The following TMC8 variants were observed in gnomAD, a reference collection of about 807,000 sequenced individuals.
The protein encoded by TMC8 is transmembrane channel like 8.
Under a neutral mutation model 76.0 loss-of-function variants are expected in TMC8, and 71 were observed. The observed-to-expected ratio is 0.93, with a 90% CI of 0.77 to 1.14. The LOEUF is 1.14. Ranked by LOEUF, TMC8 falls within the 50% of genes most tolerant of loss-of-function variation. TMC8 has a pLI of 0.00. For missense variants in TMC8, 924 were observed against 947.9 expected (o/e 0.97, Z 0.33); for synonymous variants, 433 against 433.8 (o/e 1.00, Z 0.02).
Position 78,132,512 on chromosome 17 carries a change from AGT to A in TMC8, c.448+8_448+9del. On this transcript the variant is annotated splice_donor_5th_base_variant and intron_variant, in intron 4 of 15. Transcript: ENST00000318430. ...CCAGGCCCCACCCTGAACTTGAGTG[AGT>A]GTGAGGCCCACCAGGGGAAGTGCTC... The A allele has an allele frequency of 6.2e-7, 1 of 1,608,276 alleles. No homozygotes were observed. The highest frequency in any genetic ancestry group is 1.7e-4 in the Middle Eastern group (1 of 6,048).
intron 9 of TMC8, among the ~76,000 whole-genome samples, chr17:78,136,364 A>G (rs930301430): frequency 1.3e-5 from 2 of 151,992 alleles, no homozygotes; most frequent in African/African-American, 4.8e-5. Context: ...TAGCTACTAG[A>G]GAAGCTGAGG....
In TMC8 at chr17:78,131,268, C is replaced by A; in HGVS notation, c.-308-13C>A. 1 of 489,154 alleles carries A rather than the reference C, an allele frequency of 2.0e-6. No individual in the cohort carries two copies. The highest frequency in any genetic ancestry group is 3.7e-6 in the Non-Finnish European group (1 of 267,528). The allele number at this position is 489,154 out of a possible 1,614,324, so 30.3% of individuals were successfully genotyped here. On this transcript the variant is annotated splice_polypyrimidine_tract_variant and intron_variant, in intron 1 of 15. Transcript: ENST00000318430. ...CTTTCTGTGCCCTTTGGATCTTTCA[C>A]CCCATTTGACAGATGGGGAGACTGA...
At chr17:78,137,530 T>C in intron 10 of TMC8, 172 bp downstream of exon 10, 3 of 1,252,450 alleles carry the variant, frequency 2.4e-6, no homozygotes, top group Non-Finnish European at 3.5e-6. Flanking sequence ...CCACATGGTG[T>C]AGTGTGGCTG....
At chr17:78,139,728 TAAA>T (rs34917993) in intron 15 of TMC8, among the ~76,000 whole-genome samples, 6,629 of 62,818 alleles carry the variant, frequency 0.11, 424 homozygotes, top group Admixed American at 0.26. Context: ...CGTCTCTACT[TAAA>T]AAAAAAAAAA....
intron 13 of TMC8, 21 bp downstream of exon 13, chr17:78,138,500 G>A (rs764859708): frequency 5.0e-6 from 8 of 1,613,346 alleles, no homozygotes; most frequent in East Asian, 2.2e-5. Context: ...GAGGAGGGGG[G>A]CACCCAGAGG....
intron 15 of TMC8, among the ~76,000 whole-genome samples, chr17:78,139,664 T>C (rs1247766978): frequency 7.2e-6 from 1 of 139,640 alleles, no homozygotes; most frequent in East Asian, 2.1e-4. Flanking sequence ...CCGAGGTGGG[T>C]GGATCACCTG....
intron 4 of TMC8, 106 bp from the exon 5 acceptor site, chr17:78,132,681 GC>G (rs2075053500): frequency 6.7e-7 from 1 of 1,503,184 alleles, no homozygotes; most frequent in Admixed American, 1.7e-5. Context: ...CACATCCTCA[GC>G]CCCCTGCCCA....
intron 3 of TMC8, 71 bp from the exon 4 acceptor site, chr17:78,132,288 G>A: frequency 1.3e-6 from 2 of 1,578,088 alleles, no homozygotes; most frequent in South Asian, 2.2e-5. Flanking sequence ...CGGTGGGCCC[G>A]CCCTTGGACT....
intron 14 of TMC8, 94 bp from the exon 15 acceptor site, chr17:78,139,068 C>T (rs377082151): frequency 6.3e-6 from 10 of 1,583,570 alleles, no homozygotes; most frequent in East Asian, 2.2e-5. Context: ...CCCAGTACCG[C>T]GTATTGTAGA....
chr17:78,140,787 C>T (rs1463816374), intron 15 of TMC8, 47 bp from the exon 16 acceptor site: 1 of 1,572,760 alleles, frequency 6.4e-7, no homozygotes, highest in Non-Finnish European at 8.6e-7. Flanking sequence ...CACACCCGCT[C>T]GTGGGAAGCA....
chr17:78,131,808 G>T (rs1568012157), intron 2 of TMC8, 71 bp downstream of exon 2: 11 of 1,517,708 alleles, frequency 7.2e-6, no homozygotes, highest in Non-Finnish European at 7.9e-6. Context: ...GATGGTGTGG[G>T]AGCACCCCGT....
At chr17:78,133,639 T>C (rs2075111981) in intron 6 of TMC8, 97 bp downstream of exon 6, 2 of 1,587,152 alleles carry the variant, frequency 1.3e-6, no homozygotes, top group African/African-American at 1.3e-5. Flanking sequence ...GGAAGGCCCA[T>C]GGCCCGGCAC....
chr17:78,133,426 C>G lies in TMC8; in HGVS notation c.552C>G (p.Leu184=). 6.2e-7 allele frequency: 1 copy of G among 1,613,846 alleles called. No homozygotes were observed. ...CCCAGGCCTTCACCAACACCTATCT[C>G]TTCTACGGTGCGTACCGAGTGGGGC... ...LTGRAFTNTY[L]FYGAYRVGPE... is the part of the protein sequence containing the mutation. Residue 184 remains leucine, a synonymous_variant, in exon 6 of 16, where the codon CTC becomes CTG. Transcript: ENST00000318430.
intron 3 of TMC8, 137 bp from the exon 4 acceptor site, chr17:78,132,222 T>A: frequency 7.2e-7 from 1 of 1,382,456 alleles, no homozygotes; most frequent in Non-Finnish European, 1.0e-6. Flanking sequence ...CAGGTGACTG[T>A]CAGCGGTACC....
rs2075038544 is a variant in TMC8 at position 78,132,473 on chromosome 17, T to C, written c.413T>C (p.Leu138Pro). ...ASFVLLPLVW[L>P]RPPDPGPTLN... is the part of the protein sequence containing the mutation. ...TTCGTGCTGCTGCCCCTGGTCTGGCTCCGCCCCCCTGACCCAGGCCCCACC... is the reference window on the plus strand; with the variant it reads ...TTCGTGCTGCTGCCCCTGGTCTGGCCCCGCCCCCCTGACCCAGGCCCCACC... Residue 138 changes from leucine to proline, a missense_variant, in exon 4 of 16, where the codon CTC (leucine) becomes CCC (proline). Physicochemically the swap from Leu to Pro is moderately conservative, Grantham distance 98. Transcript: ENST00000318430. 6.2e-7 allele frequency: 1 copy of C among 1,611,724 alleles called. No individual in the cohort carries two copies. Among genetic ancestry groups the C allele is most frequent in the African/African-American group, 1.3e-5 (1 of 74,904 alleles).
In TMC8 at chr17:78,137,727, A is replaced by C. The variant is rs780217025; in HGVS notation, c.1262A>C (p.Asn421Thr). The change falls in exon 11 of 16, where the codon AAC (asparagine) becomes ACC (threonine). Residue 421 changes from asparagine (N) to threonine (T), a missense_variant. Asn to Thr is a moderately conservative substitution (Grantham distance 65). Coordinates refer to ENST00000318430, the MANE Select transcript of TMC8 (RefSeq NM_152468.5). ...TCCCCTGCACCCCAGTGCTGGGAGA[A>C]CTCCGTGGGGGAGGAGCTGTACAAG... ...YNVCDYQCWE[N>T]SVGEELYKLS... 5.0e-6 allele frequency: 8 copies of C among 1,613,246 alleles called. No individual in the cohort carries two copies. The highest frequency in any genetic ancestry group is 5.9e-6 in the Non-Finnish European group (7 of 1,179,920).
At position 78,140,730 on chromosome 17, in the gene TMC8, G is replaced by A. The variant is rs1812661884; in HGVS notation, c.1903-104G>A. On this transcript the variant is annotated intron_variant, in intron 15 of 15. Coordinates refer to ENST00000318430, the MANE Select transcript of TMC8 (RefSeq NM_152468.5). The stretch of plus-strand genomic sequence containing the variant: ...CGGGGCGTGGCCTCTGGCTACTTTG[G>A]GTGCGGGCTGGCCCATGGGCCGCAG... 4 of 1,475,582 alleles carry A rather than the reference G, an allele frequency of 2.7e-6. No homozygotes were observed. In the Admixed American group the frequency reaches 7.9e-5, roughly 29 times the overall value. 91.4% of individuals were successfully genotyped at this position (1,475,582 alleles called of 1,614,324 possible).
rs1555590932 is a variant in TMC8 at position 78,137,594 on chromosome 17, C to G, written c.1252-123C>G. ...CCCATCCTCAAGGCCTGGGTTTCAACCTAACGATTCTATCAGACACCAGGC... is the reference window on the plus strand; with the variant it reads ...CCCATCCTCAAGGCCTGGGTTTCAAGCTAACGATTCTATCAGACACCAGGC... On this transcript the variant is annotated intron_variant, in intron 10 of 15. Transcript: ENST00000318430. 7.9e-5 allele frequency: 90 copies of G among 1,142,424 alleles called. No homozygotes were observed. In the South Asian group the frequency reaches 1.1e-3, roughly 13 times the overall value. The allele number at this position is 1,142,424 out of a possible 1,614,324, so 70.8% of individuals were successfully genotyped here. A position where few individuals can be genotyped will look rare whatever the true frequency, so the allele number is the denominator to read the frequency against.
intron 14 of TMC8, 41 bp downstream of exon 14, chr17:78,138,773 G>A: frequency 6.3e-7 from 1 of 1,599,652 alleles, no homozygotes; most frequent in Non-Finnish European, 8.5e-7. Context: ...GACACCTGGA[G>A]GGGGAGGTCC....
Sources: gnomAD v4.1 joint callset for allele counts (sites outside exome capture counted in the v4.1 genomes callset) on GRCh38, gnomAD v4.1.1 for gene constraint, MANE v1.5 for transcripts, NCBI Gene and HGNC (gene_info 2026-07-23, HGNC 2026-07-21) for gene names.